The following NLRP4 variants were observed in gnomAD, a reference collection of about 807,000 sequenced individuals.
The protein encoded by NLRP4 is NACHT, LRR and PYD domains-containing protein 4.
NLRP4 carries 44 observed loss-of-function variants against 84.7 expected under a neutral mutation model. The observed-to-expected ratio is 0.52, with a 90% CI of 0.41 to 0.67. The LOEUF is 0.67. Among genes scored for constraint, NLRP4 ranks in the 30% least tolerant of loss-of-function variants. The pLI, the probability that NLRP4 is intolerant of heterozygous loss-of-function variation, is 0.00. For synonymous variants in NLRP4, 544 were observed against 476.4 expected, an observed-to-expected ratio of 1.14 and a Z score of -1.85; for missense variants, 1,260 against 1,219.4, an observed-to-expected ratio of 1.03 and a Z score of -0.50.
intron 5 of NLRP4, among the ~76,000 whole-genome samples, chr19:55,865,934 CTTTA>C (rs1250733263): frequency 6.6e-6 from 1 of 152,150 alleles, no homozygotes; most frequent in Non-Finnish European, 1.5e-5. Context: ...ATGAGATGCA[CTTTA>C]TTTTTTTCTT....
chr19:55,841,771 A>G (rs1365712711), intron 1 of NLRP4, among the ~76,000 whole-genome samples: 1 of 152,148 alleles, frequency 6.6e-6, no homozygotes, highest in Admixed American at 6.5e-5. Flanking sequence ...AAGCTGAGGC[A>G]GGAGAATGGT....
intron 1 of NLRP4, among the ~76,000 whole-genome samples, chr19:55,849,356 G>C (rs1340236047): frequency 6.6e-6 from 1 of 152,180 alleles, no homozygotes; most frequent in Non-Finnish European, 1.5e-5. Context: ...GACTGTAACA[G>C]TACCGTAGAC....
Position 55,867,606 on chromosome 19 carries a change from C to A in NLRP4, c.2187-103C>A, listed in dbSNP as rs1273528659. The A allele has an allele frequency of 4.8e-6, 5 of 1,050,352 alleles. No individual in the cohort carries two copies. The African/African-American group carries it at 7.8e-5, about 16-fold the overall frequency. The allele number at this position is 1,050,352 out of a possible 1,614,324, so 65.1% of individuals were successfully genotyped here. A position where few individuals can be genotyped will look rare whatever the true frequency, so the allele number is the denominator to read the frequency against. ...CAGGGTTGGGAGGCAGTGAGCCTCT[C>A]AAGGACAGCAAATGTGGGCTTCCCG... is the stretch of plus-strand genomic sequence containing the variant. On this transcript the variant is annotated intron_variant, in intron 5 of 9. Coordinates refer to ENST00000301295, the MANE Select transcript of NLRP4 (RefSeq NM_134444.5).
At chr19:55,842,553 A>G (rs1983651876) in intron 1 of NLRP4, among the ~76,000 whole-genome samples, 2 of 151,760 alleles carry the variant, frequency 1.3e-5, no homozygotes, top group South Asian at 4.2e-4. Flanking sequence ...TTTACGTGCC[A>G]GCTGTGATAA....
chr19:55,843,324 G>A lies in NLRP4; in HGVS notation c.-66+6390G>A, dbSNP rs139759545. On this transcript the variant is annotated intron_variant, in intron 1 of 9. Coordinates refer to ENST00000301295, the MANE Select transcript of NLRP4 (RefSeq NM_134444.5). ...TTCCCTATAATGTGTCTAGACATGG[G>A]TTTGTTATTTATACTCTTGGACTTT... Among the ~76,000 whole-genome samples the A allele has an allele frequency of 4.6e-3, 707 of 152,148 alleles. 3 individuals carry two copies. Among genetic ancestry groups the A allele is most frequent in the Non-Finnish European group, 6.0e-3 (411 of 68,002 alleles).
At chr19:55,864,999 A>C (rs898209782) in intron 5 of NLRP4, among the ~76,000 whole-genome samples, 14 of 152,222 alleles carry the variant, frequency 9.2e-5, no homozygotes, top group East Asian at 1.9e-4. Context: ...ATTTTAAAAA[A>C]CTTTTATTTT....
chr19:55,841,966 G>A (rs913940211), intron 1 of NLRP4, among the ~76,000 whole-genome samples: 2 of 152,124 alleles, frequency 1.3e-5, no homozygotes, highest in African/African-American at 4.8e-5. Flanking sequence ...AGAATTACTG[G>A]GTTATATGGT....
rs1009987462 is a variant in NLRP4 at position 55,881,627 on chromosome 19, G to A, written c.*40G>A. 1 of 948,910 alleles carries A rather than the reference G, an allele frequency of 1.1e-6. No homozygotes were observed. The highest frequency in any genetic ancestry group is 1.8e-5 in the Admixed American group (1 of 54,150). 58.8% of individuals were successfully genotyped at this position (948,910 alleles called of 1,614,324 possible). ...GGCTCTGACTCGAACACCTGCAAAG[G>A]ACAGGGACTGGGACCGTTACTTACA... On this transcript the variant is annotated 3_prime_UTR_variant, in exon 10 of 10. Transcript: ENST00000301295.
Position 55,838,439 on chromosome 19 carries a change from C to T in NLRP4, c.-66+1505C>T, listed in dbSNP as rs1983475488. ...GAAGCCAGTAAGAGGCAAGGAAGGG[C>T]TCCCCTGGGTTTCAGAGAGAGCAGC... On this transcript the variant is annotated intron_variant, in intron 1 of 9. Transcript: ENST00000301295. 3.3e-5 allele frequency among the ~76,000 whole-genome samples: 5 copies of T among 151,986 alleles called. No individual in the cohort carries two copies. In the South Asian group the frequency reaches 8.3e-4, roughly 25 times the overall value.
In NLRP4 at chr19:55,867,845, T is replaced by C. The variant is rs1172226158; in HGVS notation, c.2323T>C (p.Cys775Arg). 1.9e-6 allele frequency: 3 copies of C among 1,614,200 alleles called. No individual in the cohort carries two copies. The South Asian group carries it at 3.3e-5, about 18-fold the overall frequency. The change falls in exon 6 of 10, where the codon TGC (cysteine) becomes CGC (arginine). Residue 775 changes from cysteine to arginine, a missense_variant. Cys to Arg is a radical substitution (Grantham distance 180). Transcript: ENST00000301295. ...TGVPLLCEALCSPDTVLVYLM... is the reference protein window; with the variant it reads ...TGVPLLCEALRSPDTVLVYLM... ...CGTGCCCCTTTTGTGTGAAGCCCTGTGCAGCCCAGACACGGTCCTGGTATA... is the reference window on the plus strand; with the variant it reads ...CGTGCCCCTTTTGTGTGAAGCCCTGCGCAGCCCAGACACGGTCCTGGTATA...
chr19:55,859,919 T>C (rs1157855588), intron 3 of NLRP4, among the ~76,000 whole-genome samples: 1 of 81,238 alleles, frequency 1.2e-5, no homozygotes, highest in Non-Finnish European at 1.9e-5. Flanking sequence ...AGTGAGACTC[T>C]CATCTCCAAA....
chr19:55,861,282 C>T (rs1183338454), intron 3 of NLRP4, 104 bp from the exon 4 acceptor site: 5 of 963,418 alleles, frequency 5.2e-6, no homozygotes, highest in Non-Finnish European at 7.8e-6. Flanking sequence ...GAGGCTCTGC[C>T]TCAGACATCT....
intron 1 of NLRP4, among the ~76,000 whole-genome samples, chr19:55,846,140 T>A (rs1983783877): frequency 6.6e-6 from 1 of 152,200 alleles, no homozygotes; most frequent in African/African-American, 2.4e-5. Flanking sequence ...TCTTCTAGGG[T>A]TTTTCTGGTT....
intron 1 of NLRP4, among the ~76,000 whole-genome samples, chr19:55,851,012 T>TGGCTGCGGTGTAATGTCCGA (rs1261716650): frequency 9.4e-4 from 55 of 58,318 alleles, no homozygotes; most frequent in Middle Eastern, 0.012. Flanking sequence ...GTAATGTCCG[T>TGGCTGCGGTGTAATGTCCGA]GGCTGCGGTG....
At chr19:55,872,459 T>C (rs1025941249) in intron 7 of NLRP4, among the ~76,000 whole-genome samples, 6 of 152,160 alleles carry the variant, frequency 3.9e-5, no homozygotes, top group Admixed American at 1.3e-4. Flanking sequence ...TATCTAATTA[T>C]CTATAAAGCT....
intron 3 of NLRP4, among the ~76,000 whole-genome samples, chr19:55,859,468 G>C (rs1984631873): frequency 6.6e-6 from 1 of 152,252 alleles, no homozygotes; most frequent in East Asian, 1.9e-4. Context: ...ACAGAAGGGG[G>C]AATAATAATT....
Position 55,878,841 on chromosome 19 carries a change from C to A in NLRP4, c.2744C>A (p.Ser915Tyr), listed in dbSNP as rs771293038. 1 of 1,613,898 alleles carries A rather than the reference C, an allele frequency of 6.2e-7. No homozygotes were observed. The highest frequency in any genetic ancestry group is 8.5e-7 in the Non-Finnish European group (1 of 1,179,840). The change falls in exon 9 of 10, where the codon TCT (serine) becomes TAT (tyrosine). Residue 915 changes from serine to tyrosine, a missense_variant. Around this residue, in one of 3 missense-constraint regions of NLRP4, gnomAD observed 544 missense variants for 531.7 expected, o/e 1.02. Transcript: ENST00000301295. Reference sequence around the variant, plus strand: ...AGCACCTGCTGTAAGGATCTCGCGTCTGTTCTCACCTGCAGTAAGACCCTG... The same window carrying A: ...AGCACCTGCTGTAAGGATCTCGCGTATGTTCTCACCTGCAGTAAGACCCTG... Reference protein sequence around the residue: ...LTSTCCKDLASVLTCSKTLQQ... With the variant: ...LTSTCCKDLAYVLTCSKTLQQ...
rs1985488710 is a variant in NLRP4 at position 55,879,091 on chromosome 19, A to T, written c.2867+127A>T. 6 of 717,594 alleles carry T rather than the reference A, an allele frequency of 8.4e-6. No individual in the cohort carries two copies. The South Asian group carries it at 1.2e-4, about 14-fold the overall frequency. 44.5% of individuals were successfully genotyped at this position (717,594 alleles called of 1,614,324 possible). On this transcript the variant is annotated intron_variant, in intron 9 of 9. Transcript: ENST00000301295. The stretch of plus-strand genomic sequence containing the variant: ...ATGTTCCTTGTCTCAGGGTTGTTGC[A>T]GGAGTAAGAACCAAGCAGGTGAGTA...
At chr19:55,866,470 T>A (rs1402080403) in intron 5 of NLRP4, among the ~76,000 whole-genome samples, 1 of 152,230 alleles carries the variant, frequency 6.6e-6, no homozygotes, top group African/African-American at 2.4e-5. Flanking sequence ...CCATAATGGC[T>A]TTCATCTTTA....
Sources: gnomAD v4.1 joint callset for allele counts (sites outside exome capture counted in the v4.1 genomes callset) on GRCh38, gnomAD v4.1.1 for gene constraint, gnomAD v4.1.1 regional missense constraint, MANE v1.5 for transcripts, NCBI Gene and HGNC (gene_info 2026-07-23, HGNC 2026-07-21) for gene names.